Variants in FRMPD3 observed in about 807,000 individuals in gnomAD.
FRMPD3 encodes FERM and PDZ domain containing 3, also known as FERM and PDZ domain-containing protein 3.
A neutral mutation model predicts 97.9 loss-of-function variants in FRMPD3; 42 were observed. The ratio of observed to expected loss-of-function variants is 0.43; its 90% CI spans 0.34 to 0.55. The LOEUF (loss-of-function observed/expected upper bound fraction) is 0.55, where lower values mean the gene tolerates loss of function less well. Among genes scored for constraint, FRMPD3 ranks in the 20% least tolerant of loss-of-function variants. FRMPD3 has a pLI of 0.03. For synonymous variants in FRMPD3, 577 were observed against 581.1 expected (o/e 0.99, Z 0.10); for missense variants, 1,303 against 1,457.7 (o/e 0.89, Z 1.73).
chrX:107,545,604 T>C (rs1195568273), intron 4 of FRMPD3, 133 bp from the exon 5 acceptor site: 2 of 459,792 alleles, frequency 4.3e-6, no homozygotes, highest in African/African-American at 4.9e-5. Flanking sequence ...TAATAGGTAA[T>C]TAATATTTGT....
chrX:107,530,573 G>A, intron 3 of FRMPD3, 62 bp downstream of exon 3: 1 of 802,582 alleles, frequency 1.2e-6, no homozygotes, highest in Non-Finnish European at 1.8e-6. Context: ...CCAGTGACAT[G>A]GGGCCACCAC....
intron 1 of FRMPD3, among the ~76,000 whole-genome samples, chrX:107,481,288 G>C (rs1337105435): frequency 8.9e-6 from 1 of 112,354 alleles, no homozygotes; most frequent in Non-Finnish European, 1.9e-5. Flanking sequence ...ATCCATCTCA[G>C]TGCTGGCAGG....
intron 13 of FRMPD3, among the ~76,000 whole-genome samples, chrX:107,581,917 G>A (rs1923408061): frequency 9.0e-6 from 1 of 110,914 alleles, no homozygotes; most frequent in Non-Finnish European, 1.9e-5. Context: ...ATAGACATTT[G>A]TTTTTTTCCC....
In FRMPD3 at chrX:107,571,550, C is replaced by T. The variant is rs148181398; in HGVS notation, c.1297-4765C>T. 1.7e-3 allele frequency among the ~76,000 whole-genome samples: 186 copies of T among 111,549 alleles called. 1 individual carries two copies. Among genetic ancestry groups the T allele is most frequent in the African/African-American group, 5.5e-3 (170 of 30,733 alleles). The stretch of plus-strand genomic sequence containing the variant: ...GGTTGTGCTTGGCCCTCTCTGTGCA[C>T]GGGATTTTGCTTTCGTGCTGTTTTA... On this transcript the variant is annotated intron_variant, in intron 12 of 14. Transcript: ENST00000683843.
Position 107,603,530 on chromosome X carries a change from C to T in FRMPD3, c.*157C>T, listed in dbSNP as rs144482384. On this transcript the variant is annotated 3_prime_UTR_variant, in exon 15 of 15. Transcript: ENST00000683843. ...GGAGTGGAAACTCTCTTGATTGAGG[C>T]TCTCTCTTAAGGGCTGCAGGCTTAG... is the stretch of plus-strand genomic sequence containing the variant. 4.7e-3 allele frequency: 4,904 copies of T among 1,046,192 alleles called. 26 individuals carry two copies. The highest frequency in any genetic ancestry group is 4.5e-3 in the Non-Finnish European group (3,648 of 804,550). 86.2% of individuals were successfully genotyped at this position (1,046,192 alleles called of 1,213,427 possible). A position where few individuals can be genotyped will look rare whatever the true frequency, so the allele number is the denominator to read the frequency against.
intron 1 of FRMPD3, among the ~76,000 whole-genome samples, chrX:107,480,912 GA>G (rs1345015953): frequency 2.0e-5 from 2 of 97,829 alleles, no homozygotes; most frequent in African/African-American, 4.1e-5. Flanking sequence ...AAGAAAGAAA[GA>G]AAGAAAGAAA....
At chrX:107,574,516 T>C in intron 12 of FRMPD3, among the ~76,000 whole-genome samples, 1 of 112,309 alleles carries the variant, frequency 8.9e-6, no homozygotes, top group African/African-American at 3.2e-5. Context: ...TCACTAGCCC[T>C]TTATAGAAAA....
At chrX:107,578,645 A>T (rs2147620395) in intron 13 of FRMPD3, among the ~76,000 whole-genome samples, 1 of 111,971 alleles carries the variant, frequency 8.9e-6, no homozygotes, top group East Asian at 2.8e-4. Flanking sequence ...TGGGGTAGAA[A>T]TAATCAGCTT....
intron 1 of FRMPD3, among the ~76,000 whole-genome samples, chrX:107,515,964 T>G (rs896063307): frequency 3.6e-5 from 4 of 109,629 alleles, no homozygotes; most frequent in African/African-American, 1.3e-4. Context: ...CATGTTGGTG[T>G]GCTGCACCCA....
At chrX:107,519,585 G>GA (rs1461840077) in intron 1 of FRMPD3, among the ~76,000 whole-genome samples, 1 of 111,818 alleles carries the variant, frequency 8.9e-6, no homozygotes. Flanking sequence ...GGAGTGGAAG[G>GA]AAAAATCACA....
chrX:107,510,188 C>A (rs766832841), intron 1 of FRMPD3, among the ~76,000 whole-genome samples: 1 of 108,425 alleles, frequency 9.2e-6, no homozygotes, highest in African/African-American at 3.4e-5. Context: ...TAGATTGTTT[C>A]TGAGTAACTG....
Position 107,602,489 on chromosome X carries a change from G to C in FRMPD3, c.4450G>C (p.Glu1484Gln), listed in dbSNP as rs775247008. 2.1e-5 allele frequency: 25 copies of C among 1,210,397 alleles called. No homozygotes were observed. The highest frequency in any genetic ancestry group is 2.1e-5 in the Non-Finnish European group (19 of 895,313). Residue 1484 changes from glutamate (E) to glutamine (Q), a missense_variant, in exon 15 of 15, where the codon GAG becomes CAG. Around this residue, in one of 3 missense-constraint regions of FRMPD3, gnomAD observed 764 missense variants for 820.2 expected, o/e 0.93. Transcript: ENST00000683843. Reference sequence around the variant, plus strand: ...GTACCGGAAGCCTGCCGAGCTAGACGAGGACAGTGAGAGCAGCAAGTGCTG... The same window carrying C: ...GTACCGGAAGCCTGCCGAGCTAGACCAGGACAGTGAGAGCAGCAAGTGCTG... Reference protein sequence around the residue: ...EVYRKPAELDEDSESSKCCSI... With the variant: ...EVYRKPAELDQDSESSKCCSI...
chrX:107,514,558 C>T (rs1460132075), intron 1 of FRMPD3, among the ~76,000 whole-genome samples: 1 of 103,001 alleles, frequency 9.7e-6, no homozygotes, highest in Non-Finnish European at 2.0e-5. Flanking sequence ...CAGAATCTTG[C>T]TCTGTCACCC....
At chrX:107,532,313 T>G (rs1923002601) in intron 3 of FRMPD3, among the ~76,000 whole-genome samples, 1 of 112,090 alleles carries the variant, frequency 8.9e-6, no homozygotes, top group Non-Finnish European at 1.9e-5. Context: ...GAACAGCCAG[T>G]GCAAAGGCCC....
At chrX:107,464,136 C>A (rs925672044) in intron 1 of FRMPD3, among the ~76,000 whole-genome samples, 1 of 111,385 alleles carries the variant, frequency 9.0e-6, no homozygotes, top group Non-Finnish European at 1.9e-5. Context: ...CACTCTCCCC[C>A]TCAAATTTTT....
intron 1 of FRMPD3, among the ~76,000 whole-genome samples, chrX:107,503,432 G>C (rs116424874): frequency 0.031 from 3,511 of 112,199 alleles, 141 homozygotes; most frequent in African/African-American, 0.11. Context: ...AAGGTGTGGG[G>C]TCATACCTCT....
intron 4 of FRMPD3, among the ~76,000 whole-genome samples, chrX:107,534,006 A>G (rs1013419191): frequency 1.5e-4 from 17 of 112,193 alleles, no homozygotes; most frequent in South Asian, 3.7e-4. Flanking sequence ...ACCCTTGGAC[A>G]AACAGATTCA....
intron 1 of FRMPD3, among the ~76,000 whole-genome samples, chrX:107,469,720 T>G (rs753455902): frequency 2.0e-4 from 22 of 112,492 alleles, no homozygotes; most frequent in African/African-American, 6.8e-4. Context: ...TTATTCTTCT[T>G]TAGAATGGGG....
intron 1 of FRMPD3, among the ~76,000 whole-genome samples, chrX:107,494,103 A>G (rs957751242): frequency 2.7e-5 from 3 of 111,868 alleles, no homozygotes; most frequent in Admixed American, 9.5e-5. Flanking sequence ...AGACTACACC[A>G]TTAGGCCCCT....
Sources: allele counts gnomAD v4.1 joint callset (sites outside exome capture counted in the v4.1 genomes callset), GRCh38; gene constraint gnomAD v4.1.1; regional missense constraint gnomAD v4.1.1; transcripts MANE v1.5; gene names NCBI Gene and HGNC (gene_info 2026-07-23, HGNC 2026-07-21).